The following SND1 variants were observed in gnomAD, a reference collection of about 807,000 sequenced individuals.
The protein encoded by SND1 is staphylococcal nuclease and tudor domain containing 1.
Under a neutral mutation model 121.7 loss-of-function variants are expected in SND1, and 38 were observed. The observed-to-expected ratio is 0.31, with a 90% CI of 0.24 to 0.41. The LOEUF is 0.41. Ranked by LOEUF, SND1 falls within the 10% of genes least tolerant of loss-of-function variation. SND1 has a pLI of 1.00. For synonymous variants in SND1, 401 were observed against 447.4 expected (o/e 0.90, Z 1.31); for missense variants, 868 against 1,184.6 (o/e 0.73, Z 3.92).
intron 2 of SND1, among the ~76,000 whole-genome samples, chr7:127,691,215 TA>T (rs113347729): frequency 0.28 from 42,087 of 148,748 alleles, 7,254 homozygotes; most frequent in East Asian, 0.7. Flanking sequence ...CCTATTGAAA[TA>T]AAAAAAAAAA....
At chr7:127,712,892 G>C (rs1796321737) in intron 9 of SND1, among the ~76,000 whole-genome samples, 1 of 152,134 alleles carries the variant, frequency 6.6e-6, no homozygotes, top group South Asian at 2.1e-4. Flanking sequence ...GTCTCTAATA[G>C]GTTTATATTC....
At chr7:127,688,727 AAAT>A (rs1193064246) in intron 2 of SND1, among the ~76,000 whole-genome samples, 1 of 151,792 alleles carries the variant, frequency 6.6e-6, no homozygotes, top group African/African-American at 2.4e-5. Context: ...GTCTAAAAAA[AAAT>A]AATAAAAAAA....
chr7:127,874,661 C>T (rs1359960242), intron 12 of SND1, among the ~76,000 whole-genome samples: 1 of 151,936 alleles, frequency 6.6e-6, no homozygotes, highest in African/African-American at 2.4e-5. Flanking sequence ...CCTAGATCTA[C>T]AATAAACATT....
chr7:127,984,866 G>A lies in SND1; in HGVS notation c.1670-6081G>A, dbSNP rs559171624. Among the ~76,000 whole-genome samples the A allele has an allele frequency of 5.3e-5, 8 of 152,240 alleles. No homozygotes were observed. In the South Asian group the frequency reaches 1.7e-3, roughly 32 times the overall value. On this transcript the variant is annotated intron_variant, in intron 15 of 23. Coordinates refer to ENST00000354725, the MANE Select transcript of SND1 (RefSeq NM_014390.4). ...TGATTCTGAGTCTGAGACTGCTCCA[G>A]GGACCTCACTGTAGATCTCCAGTGT...
intron 16 of SND1, among the ~76,000 whole-genome samples, chr7:128,008,794 G>T (rs115718879): frequency 6.6e-6 from 1 of 152,158 alleles, no homozygotes; most frequent in Admixed American, 6.5e-5. Context: ...ATGTCTGTTC[G>T]TCTTTTAAGG....
At chr7:127,709,562 G>A (rs888840543) in intron 9 of SND1, among the ~76,000 whole-genome samples, 1 of 152,180 alleles carries the variant, frequency 6.6e-6, no homozygotes, top group African/African-American at 2.4e-5. Flanking sequence ...ATTGAGCTTT[G>A]CATTTATCTT....
intron 12 of SND1, among the ~76,000 whole-genome samples, chr7:127,856,183 A>G (rs766959354): frequency 6.6e-6 from 1 of 152,202 alleles, no homozygotes; most frequent in Non-Finnish European, 1.5e-5. Flanking sequence ...CTTAACACAT[A>G]TTTACCATTT....
chr7:127,799,233 G>A (rs1366852162), intron 10 of SND1, among the ~76,000 whole-genome samples: 2 of 152,090 alleles, frequency 1.3e-5, no homozygotes, highest in Non-Finnish European at 2.9e-5. Context: ...GCAGTGCCTG[G>A]CTCACAAGCC....
intron 14 of SND1, among the ~76,000 whole-genome samples, chr7:127,922,175 C>T (rs945173304): frequency 5.2e-5 from 3 of 57,194 alleles, no homozygotes; most frequent in Admixed American, 2.9e-4. Flanking sequence ...TTTTTCTTTC[C>T]TTTTTTTTTT....
At chr7:127,934,521 C>G (rs1176586430) in intron 15 of SND1, among the ~76,000 whole-genome samples, 1 of 151,952 alleles carries the variant, frequency 6.6e-6, no homozygotes, top group Admixed American at 6.6e-5. Context: ...TAGTAGAGGT[C>G]TGAAATCTGG....
chr7:127,714,677 C>T (rs1165036658), intron 9 of SND1, among the ~76,000 whole-genome samples: 2 of 152,168 alleles, frequency 1.3e-5, no homozygotes, highest in East Asian at 3.9e-4. Flanking sequence ...GCCCTGGCAA[C>T]CACAATTCTA....
intron 10 of SND1, among the ~76,000 whole-genome samples, chr7:127,744,959 G>T (rs569419254): frequency 6.6e-6 from 1 of 152,300 alleles, no homozygotes; most frequent in South Asian, 2.1e-4. Flanking sequence ...CCTGAGCAAG[G>T]TTTCCCTTTT....
At chr7:127,894,809 CTT>C (rs11302537) in intron 13 of SND1, among the ~76,000 whole-genome samples, 51 of 141,566 alleles carry the variant, frequency 3.6e-4, no homozygotes, top group East Asian at 6.1e-4. Flanking sequence ...CTCTTTATTC[CTT>C]TTTTTTTTTT....
intron 9 of SND1, among the ~76,000 whole-genome samples, chr7:127,709,520 T>C (rs1050605003): frequency 6.6e-6 from 1 of 152,184 alleles, no homozygotes; most frequent in Non-Finnish European, 1.5e-5. Flanking sequence ...ACTAAAGCAC[T>C]GCATAAGAAC....
chr7:127,763,706 A>G (rs182219685), intron 10 of SND1, among the ~76,000 whole-genome samples: 1 of 152,174 alleles, frequency 6.6e-6, no homozygotes, highest in East Asian at 1.9e-4. Flanking sequence ...GGACTATTCT[A>G]TTTACTAACT....
At chr7:127,827,553 C>T (rs1038811261) in intron 11 of SND1, among the ~76,000 whole-genome samples, 1 of 152,104 alleles carries the variant, frequency 6.6e-6, no homozygotes, top group Non-Finnish European at 1.5e-5. Context: ...TCCACCGCTC[C>T]CCAGCCCTAT....
intron 15 of SND1, among the ~76,000 whole-genome samples, chr7:127,938,901 T>C (rs2116835247): frequency 6.6e-6 from 1 of 152,322 alleles, no homozygotes; most frequent in East Asian, 1.9e-4. Flanking sequence ...TTTTTTTTTA[T>C]ATTCAGTGGG....
Position 127,994,034 on chromosome 7 carries a change from G to C in SND1, c.1779+2978G>C, listed in dbSNP as rs377380914. Among the ~76,000 whole-genome samples, 24 of 152,360 alleles carry C rather than the reference G, an allele frequency of 1.6e-4. No homozygotes were observed. In the East Asian group the frequency reaches 3.9e-3, roughly 25 times the overall value. ...GCACTGGTAAAATGACACCATGTTTGTAAGTGCATTGTCCTGGCTTTTGGT... is the reference window on the plus strand; with the variant it reads ...GCACTGGTAAAATGACACCATGTTTCTAAGTGCATTGTCCTGGCTTTTGGT... On this transcript the variant is annotated intron_variant, in intron 16 of 23. Coordinates refer to ENST00000354725, the MANE Select transcript of SND1 (RefSeq NM_014390.4).
chr7:127,824,764 T>C (rs1048715025), intron 11 of SND1, among the ~76,000 whole-genome samples: 1 of 152,154 alleles, frequency 6.6e-6, no homozygotes, highest in Non-Finnish European at 1.5e-5. Context: ...TCATTTTTAG[T>C]AGTTCTAACC....
Sources: gnomAD v4.1 joint callset for allele counts (sites outside exome capture counted in the v4.1 genomes callset) on GRCh38, gnomAD v4.1.1 for gene constraint, MANE v1.5 for transcripts, NCBI Gene and HGNC (gene_info 2026-07-23, HGNC 2026-07-21) for gene names.